IFFO2: variants seen among roughly 807,000 people sequenced by gnomAD.
IFFO2 encodes the protein intermediate filament family orphan 2.
In IFFO2, 19 loss-of-function variants were observed where a neutral mutation model predicts 53.5. The ratio of observed to expected loss-of-function variants is 0.36; its 90% CI spans 0.25 to 0.52. IFFO2 has a LOEUF of 0.52. Ranked by LOEUF, IFFO2 falls within the 20% of genes least tolerant of loss-of-function variation. The pLI is 0.94. For missense variants in IFFO2, 570 were observed against 727.4 expected (o/e 0.78, Z 2.49); for synonymous variants, 303 against 313.6 (o/e 0.97, Z 0.36).
chr1:18,930,093 C>T (rs538848328), intron 1 of IFFO2, among the ~76,000 whole-genome samples: 6 of 152,204 alleles, frequency 3.9e-5, no homozygotes, highest in Admixed American at 6.5e-5. Context: ...ATCCATCTTG[C>T]AGTTCTGTGA....
At chr1:18,939,458 T>C (rs1936492449) in intron 1 of IFFO2, among the ~76,000 whole-genome samples, 1 of 152,164 alleles carries the variant, frequency 6.6e-6, no homozygotes. Flanking sequence ...TGGGCCTCAG[T>C]TTCCCCATCA....
intron 1 of IFFO2, among the ~76,000 whole-genome samples, chr1:18,939,466 T>G (rs1333395272): frequency 1.3e-5 from 2 of 152,160 alleles, no homozygotes; most frequent in Non-Finnish European, 2.9e-5. Flanking sequence ...AGTTTCCCCA[T>G]CAGGAAAGAT....
intron 7 of IFFO2, 140 bp from the exon 8 acceptor site, chr1:18,910,612 C>T (rs537941561): frequency 1.6e-4 from 148 of 922,106 alleles, no homozygotes; most frequent in African/African-American, 4.9e-4. Flanking sequence ...ACCCTGCCTC[C>T]GGACATCAAC....
chr1:18,918,664 C>T lies in IFFO2; in HGVS notation c.823-162G>A, dbSNP rs1350020632. On this transcript the variant is annotated intron_variant, in intron 3 of 8. Transcript: ENST00000455833. This position sits in a 1 kb window ranked among gnomAD's most constrained non-coding sequence, Gnocchi z 5.2. The stretch of plus-strand genomic sequence containing the variant: ...TTTTCCGTGGAGTGGAGGGCTGCGG[C>T]GGCACTGGTCAGGGTGGGATGGGGT... Among the ~76,000 whole-genome samples, 1 of 144,872 alleles carries T rather than the reference C, an allele frequency of 6.9e-6. No individual in the cohort carries two copies. The highest frequency in any genetic ancestry group is 2.5e-5 in the African/African-American group (1 of 39,552).
At position 18,927,071 on chromosome 1, in the gene IFFO2, C is replaced by T. The variant is rs116768050; in HGVS notation, c.666-5950G>A. 2.4e-3 allele frequency among the ~76,000 whole-genome samples: 370 copies of T among 152,274 alleles called. 2 individuals are homozygous for T. Among genetic ancestry groups the T allele is most frequent in the African/African-American group, 8.6e-3 (356 of 41,554 alleles). ...GTTACCCTCTCTGGGCCTCAGTTGTCCCCTCTGTGAGTTGGGAAACCAGCC... is the reference window on the plus strand; with the variant it reads ...GTTACCCTCTCTGGGCCTCAGTTGTTCCCTCTGTGAGTTGGGAAACCAGCC... On this transcript the variant is annotated intron_variant, in intron 1 of 8. Coordinates refer to ENST00000455833, the MANE Select transcript of IFFO2 (RefSeq NM_001136265.2).
rs927813927 is a variant in IFFO2, at chr1:18,917,936, G to C, written c.963+426C>G. ...TCTGAGGCCCCTCTACCAGAGCTCA[G>C]GCCAGCTCCCCCACTTCTCCCCATA... On this transcript the variant is annotated intron_variant, in intron 4 of 8. Coordinates refer to ENST00000455833, the MANE Select transcript of IFFO2 (RefSeq NM_001136265.2). This position sits in a 1 kb window ranked among gnomAD's most constrained non-coding sequence, Gnocchi z 5.9. Among the ~76,000 whole-genome samples the C allele has an allele frequency of 6.6e-6, 1 of 152,208 alleles. No homozygotes were observed. The highest frequency in any genetic ancestry group is 1.5e-5 in the Non-Finnish European group (1 of 68,030).
chr1:18,917,700 G>A lies in IFFO2; in HGVS notation c.964-658C>T, dbSNP rs1343413884. Among the ~76,000 whole-genome samples the A allele has an allele frequency of 3.3e-5, 5 of 152,054 alleles. No individual in the cohort carries two copies. The highest frequency in any genetic ancestry group is 7.3e-5 in the Non-Finnish European group (5 of 68,028). ...TCAAGCAAAAGCCAAACCACAACCCGAAACTCAAGAAGCAGCCTTCGGAGA... is the reference window on the plus strand; with the variant it reads ...TCAAGCAAAAGCCAAACCACAACCCAAAACTCAAGAAGCAGCCTTCGGAGA... On this transcript the variant is annotated intron_variant, in intron 4 of 8. Transcript: ENST00000455833. This position sits in a 1 kb window ranked among gnomAD's most constrained non-coding sequence, Gnocchi z 5.9.
chr1:18,954,963 A>G (rs569852573), intron 1 of IFFO2, among the ~76,000 whole-genome samples: 1 of 152,318 alleles, frequency 6.6e-6, no homozygotes, highest in East Asian at 1.9e-4. Flanking sequence ...GAAAGGAGGC[A>G]TTTTATAAAA....
In IFFO2 at chr1:18,919,606, G is replaced by T; in HGVS notation, c.822+72C>A. On this transcript the variant is annotated intron_variant, in intron 3 of 8. Transcript: ENST00000455833. This position sits in a 1 kb window ranked among gnomAD's most constrained non-coding sequence, Gnocchi z 4.9. ...CTAGAAGCCGAGCCCCGGAGCCTCG[G>T]AGGGAATGAAGCATTTTGCATGATG... 1 of 1,026,544 alleles carries T rather than the reference G, an allele frequency of 9.7e-7. No homozygotes were observed. Among genetic ancestry groups the T allele is most frequent in the South Asian group, 1.4e-5 (1 of 73,516 alleles). 63.6% of individuals were successfully genotyped at this position (1,026,544 alleles called of 1,614,324 possible). A position where few individuals can be genotyped will look rare whatever the true frequency, so the allele number is the denominator to read the frequency against.
intron 1 of IFFO2, among the ~76,000 whole-genome samples, chr1:18,934,732 G>T (rs1371810526): frequency 1.3e-5 from 2 of 152,112 alleles, no homozygotes; most frequent in African/African-American, 2.4e-5. Flanking sequence ...TATGAGATTG[G>T]TTTTTAACGA....
intron 1 of IFFO2, among the ~76,000 whole-genome samples, chr1:18,955,407 C>G (rs1291737468): frequency 1.3e-5 from 2 of 152,200 alleles, no homozygotes; most frequent in South Asian, 4.1e-4. Context: ...AAAACACAGA[C>G]AGTTATTATG....
chr1:18,936,090 C>T lies in IFFO2; in HGVS notation c.666-14969G>A, dbSNP rs1013078000. On this transcript the variant is annotated intron_variant, in intron 1 of 8. Transcript: ENST00000455833. The surrounding 1 kb of genome is among the most constrained non-coding windows in gnomAD (Gnocchi z 4.5). ...CACAGAGCCTGGCACATAGGAGGCC[C>T]CATAAATATTCACTGGATTAAAAAG... 3.3e-5 allele frequency among the ~76,000 whole-genome samples: 5 copies of T among 152,028 alleles called. No homozygotes were observed. Among genetic ancestry groups the T allele is most frequent in the Non-Finnish European group, 7.4e-5 (5 of 67,994 alleles).
Position 18,919,494 on chromosome 1 carries a change from G to C in IFFO2, c.822+184C>G, listed in dbSNP as rs2100651526. 6.6e-6 allele frequency among the ~76,000 whole-genome samples: 1 copy of C among 151,942 alleles called. No homozygotes were observed. Among genetic ancestry groups the C allele is most frequent in the East Asian group, 1.9e-4 (1 of 5,150 alleles). ...TCAGACCGAGGGAAGCAGAAGTGGG[G>C]AGGGGGCGGGAGGAGGGTGCCTGGT... is the stretch of plus-strand genomic sequence containing the variant. On this transcript the variant is annotated intron_variant, in intron 3 of 8. Coordinates refer to ENST00000455833, the MANE Select transcript of IFFO2 (RefSeq NM_001136265.2). The surrounding 1 kb of genome is among the most constrained non-coding windows in gnomAD (Gnocchi z 4.9).
chr1:18,955,099 G>A (rs1434587758), intron 1 of IFFO2, among the ~76,000 whole-genome samples: 1 of 152,136 alleles, frequency 6.6e-6, no homozygotes, highest in Non-Finnish European at 1.5e-5. Context: ...TCAAAAACGT[G>A]ATCTCATTTA....
chr1:18,940,530 AGGAT>A (rs1274736531), intron 1 of IFFO2, among the ~76,000 whole-genome samples: 1 of 151,268 alleles, frequency 6.6e-6, no homozygotes, highest in Non-Finnish European at 1.5e-5. Flanking sequence ...GGCCCAGAAA[AGGAT>A]GGATGGATGG....
In IFFO2 at chr1:18,908,033, G is replaced by T. The variant is rs1325337775; in HGVS notation, c.*528C>A. On this transcript the variant is annotated 3_prime_UTR_variant, in exon 9 of 9. Transcript: ENST00000455833. ...TACCCAGGCCTAGAAAGCTCACAGA[G>T]GCAAGCGGCTCCTTCCTGGGGGTTG... 6.3e-6 allele frequency: 1 copy of T among 158,136 alleles called. No individual in the cohort carries two copies. The highest frequency in any genetic ancestry group is 1.4e-5 in the Non-Finnish European group (1 of 71,036). The allele number at this position is 158,136 out of a possible 1,614,324, so 9.8% of individuals were successfully genotyped here.
At chr1:18,913,539 G>A (rs540491185) in intron 5 of IFFO2, among the ~76,000 whole-genome samples, 4 of 152,344 alleles carry the variant, frequency 2.6e-5, no homozygotes, top group East Asian at 1.9e-4. Flanking sequence ...TGGCCCCAGC[G>A]GGGGAGACCC....
rs1187078044 is a variant in IFFO2 at position 18,905,571 on chromosome 1, T to C, written c.*2990A>G. ...GTCATCTGAGCTCTACCCACAGAGT[T>C]AGTCCACGATGGATTTGGCCCTTCA... On this transcript the variant is annotated 3_prime_UTR_variant, in exon 9 of 9. Coordinates refer to ENST00000455833, the MANE Select transcript of IFFO2 (RefSeq NM_001136265.2). The C allele has an allele frequency of 6.6e-6, 1 of 152,184 alleles. No homozygotes were observed. The highest frequency in any genetic ancestry group is 2.4e-5 in the African/African-American group (1 of 41,432). 9.4% of individuals were successfully genotyped at this position (152,184 alleles called of 1,614,324 possible). A position where few individuals can be genotyped will look rare whatever the true frequency, so the allele number is the denominator to read the frequency against.
intron 1 of IFFO2, among the ~76,000 whole-genome samples, chr1:18,931,779 T>C (rs962443813): frequency 2.6e-5 from 4 of 152,232 alleles, no homozygotes; most frequent in African/African-American, 9.6e-5. Context: ...CTCCCAAGCC[T>C]GGGCAGCCTC....
Sources: gnomAD v4.1 joint callset for allele counts (sites outside exome capture counted in the v4.1 genomes callset) on GRCh38, gnomAD v4.1.1 for gene constraint, Gnocchi (gnomAD v3.1) non-coding constraint, MANE v1.5 for transcripts, NCBI Gene and HGNC (gene_info 2026-07-23, HGNC 2026-07-21) for gene names.